Variants in PIBF1 observed in about 807,000 individuals in gnomAD.
The protein encoded by PIBF1 is progesterone immunomodulatory binding factor 1, also known as progesterone-induced-blocking factor 1.
PIBF1 carries 90 observed loss-of-function variants against 112.5 expected under a neutral mutation model. The ratio of observed to expected loss-of-function variants is 0.80; its 90% CI spans 0.67 to 0.95. The LOEUF (loss-of-function observed/expected upper bound fraction) is 0.95. Among genes scored for constraint, PIBF1 ranks in the 40% least tolerant of loss-of-function variants. PIBF1 has a pLI of 0.00. For missense variants in PIBF1, 915 were observed against 852.3 expected (o/e 1.07, Z -0.92); for synonymous variants, 301 against 288.6 (o/e 1.04, Z -0.44).
intron 13 of PIBF1, among the ~76,000 whole-genome samples, chr13:72,929,171 G>A (rs1291029182): frequency 6.6e-6 from 1 of 152,076 alleles, no homozygotes. Context: ...AAGAAAGCAA[G>A]AATAAAAATG....
intron 10 of PIBF1, among the ~76,000 whole-genome samples, chr13:72,864,188 T>C (rs757081998): frequency 6.6e-6 from 1 of 152,184 alleles, no homozygotes; most frequent in East Asian, 1.9e-4. Flanking sequence ...GTGTGACTCA[T>C]AAATTAGCTT....
At position 72,814,257 on chromosome 13, in the gene PIBF1, G is replaced by A. The variant is rs931301603; in HGVS notation, c.673-7592G>A. Among the ~76,000 whole-genome samples the A allele has an allele frequency of 2.6e-5, 4 of 151,950 alleles. No individual in the cohort carries two copies. The South Asian group carries it at 6.2e-4, about 24-fold the overall frequency. Reference sequence around the variant, plus strand: ...GTTCAAGACCAGCATGGCCAACATGGTGAACCTGTCTCTACTAAAAATACA... The same window carrying A: ...GTTCAAGACCAGCATGGCCAACATGATGAACCTGTCTCTACTAAAAATACA... On this transcript the variant is annotated intron_variant, in intron 5 of 17. Coordinates refer to ENST00000326291, the MANE Select transcript of PIBF1 (RefSeq NM_006346.4).
At chr13:72,993,679 G>A (rs2043552567) in intron 16 of PIBF1, among the ~76,000 whole-genome samples, 1 of 148,136 alleles carries the variant, frequency 6.8e-6, no homozygotes, top group African/African-American at 2.5e-5. Context: ...CCAGGAGGCA[G>A]AGCTTGCAGT....
chr13:73,007,759 A>G (rs1026914049), intron 17 of PIBF1, among the ~76,000 whole-genome samples: 3 of 151,614 alleles, frequency 2.0e-5, no homozygotes, highest in Non-Finnish European at 4.4e-5. Context: ...CAGTGAGACA[A>G]GATCGCACTG....
At chr13:72,951,790 C>T (rs2042303585) in intron 14 of PIBF1, among the ~76,000 whole-genome samples, 1 of 152,168 alleles carries the variant, frequency 6.6e-6, no homozygotes, top group African/African-American at 2.4e-5. Context: ...CGTGTTCTGC[C>T]TCCCAGGCTC....
intron 13 of PIBF1, among the ~76,000 whole-genome samples, chr13:72,930,474 C>A (rs373892302): frequency 6.6e-6 from 1 of 152,052 alleles, no homozygotes; most frequent in Admixed American, 6.5e-5. Flanking sequence ...TTCCTCCCAC[C>A]ATAGTTAGAA....
intron 16 of PIBF1, among the ~76,000 whole-genome samples, chr13:72,990,712 G>A (rs190434359): frequency 1.3e-5 from 2 of 151,600 alleles, no homozygotes; most frequent in African/African-American, 4.8e-5. Flanking sequence ...GCCAGGTGTG[G>A]TGGCACATGC....
intron 10 of PIBF1, among the ~76,000 whole-genome samples, chr13:72,888,124 A>C (rs1168941011): frequency 6.6e-6 from 1 of 152,172 alleles, no homozygotes; most frequent in East Asian, 1.9e-4. Flanking sequence ...TGGGTGAATA[A>C]ACTAGGTATA....
chr13:72,816,108 T>C (rs887842071), intron 5 of PIBF1, among the ~76,000 whole-genome samples: 2 of 152,208 alleles, frequency 1.3e-5, no homozygotes, highest in African/African-American at 4.8e-5. Flanking sequence ...TGGTGGGGTC[T>C]GCTAGACCCA....
chr13:72,818,787 C>T (rs2036413854), intron 5 of PIBF1, among the ~76,000 whole-genome samples: 1 of 146,446 alleles, frequency 6.8e-6, no homozygotes, highest in South Asian at 2.2e-4. Flanking sequence ...TAGCTGAGCA[C>T]TACTGGCAAA....
chr13:72,827,174 T>G (rs1020049265), intron 7 of PIBF1, 56 bp downstream of exon 7: 3 of 729,130 alleles, frequency 4.1e-6, no homozygotes, highest in Non-Finnish European at 6.3e-6. Context: ...GTGAAAAAAA[T>G]AGCCCAGAGT....
chr13:72,822,035 A>G, intron 6 of PIBF1, 53 bp downstream of exon 6: 1 of 1,486,780 alleles, frequency 6.7e-7, no homozygotes, highest in South Asian at 1.3e-5. Flanking sequence ...GGGTGCATCA[A>G]AGTCACCTGA....
intron 13 of PIBF1, among the ~76,000 whole-genome samples, chr13:72,922,161 A>G (rs150910414): frequency 6.6e-6 from 1 of 151,762 alleles, no homozygotes; most frequent in South Asian, 2.1e-4. Context: ...ATTTTTTTGT[A>G]GAGACAGGGT....
intron 16 of PIBF1, among the ~76,000 whole-genome samples, chr13:72,975,054 CTTTT>C (rs568515289): frequency 2.2e-5 from 3 of 136,048 alleles, no homozygotes; most frequent in Non-Finnish European, 3.2e-5. Flanking sequence ...GAAAAAGAAA[CTTTT>C]TTTTTTTTTT....
intron 5 of PIBF1, among the ~76,000 whole-genome samples, chr13:72,803,341 C>T (rs991057539): frequency 1.3e-5 from 2 of 150,662 alleles, no homozygotes; most frequent in African/African-American, 4.9e-5. Flanking sequence ...TTCTCATTGT[C>T]GACAACGGTA....
intron 10 of PIBF1, among the ~76,000 whole-genome samples, chr13:72,857,112 T>G (rs2038457539): frequency 6.6e-6 from 1 of 152,200 alleles, no homozygotes; most frequent in Non-Finnish European, 1.5e-5. Flanking sequence ...AAATAAGTTC[T>G]GTGGCTTATA....
chr13:72,855,728 A>C (rs1356515161), intron 10 of PIBF1, among the ~76,000 whole-genome samples: 1 of 152,136 alleles, frequency 6.6e-6, no homozygotes, highest in Admixed American at 6.5e-5. Context: ...AGCTCCTTTC[A>C]TTAGAGTTCC....
Position 72,834,132 on chromosome 13 carries a change from T to C in PIBF1, c.1098-1111T>C, listed in dbSNP as rs138199527. Among the ~76,000 whole-genome samples the C allele has an allele frequency of 7.0e-3, 1,060 of 152,238 alleles. 15 individuals are homozygous for C. Among genetic ancestry groups the C allele is most frequent in the African/African-American group, 0.025 (1,022 of 41,528 alleles). Reference sequence around the variant, plus strand: ...TATAGAAGTATATTTTGGAAGAAAATCTCAGTATGCTAACGATTTCCTGTG... The same window carrying C: ...TATAGAAGTATATTTTGGAAGAAAACCTCAGTATGCTAACGATTTCCTGTG... On this transcript the variant is annotated intron_variant, in intron 8 of 17. Transcript: ENST00000326291.
intron 9 of PIBF1, among the ~76,000 whole-genome samples, chr13:72,852,156 C>G (rs2038189520): frequency 6.6e-6 from 1 of 152,216 alleles, no homozygotes; most frequent in African/African-American, 2.4e-5. Flanking sequence ...AAACATGCCC[C>G]TCACTCGCCA....
Sources: allele counts gnomAD v4.1 joint callset (sites outside exome capture counted in the v4.1 genomes callset), GRCh38; gene constraint gnomAD v4.1.1; transcripts MANE v1.5; gene names NCBI Gene and HGNC (gene_info 2026-07-23, HGNC 2026-07-21).